The following MIPEP variants were observed in gnomAD, a reference collection of about 807,000 sequenced individuals.
MIPEP encodes the protein mitochondrial intermediate peptidase.
Under a neutral mutation model 90.3 loss-of-function variants are expected in MIPEP, and 79 were observed. The ratio of observed to expected loss-of-function variants is 0.87; its 90% CI spans 0.73 to 1.05. The LOEUF is 1.05. Among genes scored for constraint, MIPEP ranks in the 50% least tolerant of loss-of-function variants. The pLI, the probability that MIPEP is intolerant of heterozygous loss-of-function variation, is 0.00. For synonymous variants in MIPEP, 334 were observed against 315.8 expected, an observed-to-expected ratio of 1.06 and a Z score of -0.61; for missense variants, 940 against 905.6, an observed-to-expected ratio of 1.04 and a Z score of -0.49.
intron 10 of MIPEP, among the ~76,000 whole-genome samples, chr13:23,852,948 T>A (rs1869868032): frequency 2.0e-5 from 3 of 152,004 alleles, no homozygotes; most frequent in African/African-American, 7.2e-5. Context: ...CAAAAAAATT[T>A]AAAAAGTACA....
Position 23,730,442 on chromosome 13 carries a change from A to G in MIPEP, c.2048T>C (p.Met683Thr). 6.2e-7 allele frequency: 1 copy of G among 1,608,172 alleles called. No individual in the cohort carries two copies. The highest frequency in any genetic ancestry group is 8.5e-7 in the Non-Finnish European group (1 of 1,175,706). Residue 683 changes from methionine (M) to threonine (T), a missense_variant, in exon 19 of 19, where the codon ATG becomes ACG. Transcript: ENST00000382172. Reference sequence around the variant, plus strand: ...ATCAACAGAAGGACACTTCTGAAGCATACCTGCAAACAAAGGAAAGGTCAG... The same window carrying G: ...ATCAACAGAAGGACACTTCTGAAGCGTACCTGCAAACAAAGGAAAGGTCAG... ...GREPMLMVEG[M>T]LQKCPSVDDF...
Position 23,758,737 on chromosome 13 carries a change from A to G in MIPEP, c.1970+1359T>C, listed in dbSNP as rs191448701. 1.1e-4 allele frequency among the ~76,000 whole-genome samples: 16 copies of G among 152,330 alleles called. No individual in the cohort carries two copies. The East Asian group carries it at 3.1e-3, about 29-fold the overall frequency. On this transcript the variant is annotated intron_variant, in intron 17 of 18. Coordinates refer to ENST00000382172, the MANE Select transcript of MIPEP (RefSeq NM_005932.4). ...TCTATGACATCACATTCAGACTCAA[A>G]TAATTTGAAACAAATGTGATTATTA...
intron 16 of MIPEP, among the ~76,000 whole-genome samples, chr13:23,799,304 C>T (rs4769290): frequency 0.37 from 55,249 of 150,580 alleles, 10,926 homozygotes; most frequent in Admixed American, 0.5. Context: ...GCCACCACAC[C>T]CAGGCAAATT....
In MIPEP at chr13:23,889,173, T is replaced by C; in HGVS notation, c.148A>G (p.Lys50Glu). The change falls in exon 1 of 19, where the codon AAG (lysine) becomes GAG (glutamate). Residue 50 changes from lysine (K) to glutamate (E), a missense_variant. Physicochemically the swap from Lys to Glu is moderately conservative, Grantham distance 56. Transcript: ENST00000382172. ...AGGTCCAAGCGGCTGCCCTGGGGCT[T>C]GACATTGAAGGCGGCGCCCACGGGA... ...WSPVGAAFNV[K>E]PQGSRLDLFG... 6.8e-7 allele frequency: 1 copy of C among 1,466,316 alleles called. No individual in the cohort carries two copies. The highest frequency in any genetic ancestry group is 2.9e-5 in the East Asian group (1 of 34,248). 90.8% of individuals were successfully genotyped at this position (1,466,316 alleles called of 1,614,324 possible). A position where few individuals can be genotyped will look rare whatever the true frequency, so the allele number is the denominator to read the frequency against.
chr13:23,817,511 C>T (rs1461812256), intron 14 of MIPEP, among the ~76,000 whole-genome samples: 1 of 152,130 alleles, frequency 6.6e-6, no homozygotes, highest in African/African-American at 2.4e-5. Flanking sequence ...CTCTCCCCCA[C>T]TACCAAACCT....
chr13:23,831,008 T>C (rs758688609), intron 14 of MIPEP, among the ~76,000 whole-genome samples: 11 of 151,906 alleles, frequency 7.2e-5, no homozygotes, highest in Non-Finnish European at 1.3e-4. Flanking sequence ...AACTGAGGAA[T>C]TGAGGACAAA....
intron 16 of MIPEP, among the ~76,000 whole-genome samples, chr13:23,769,424 T>C (rs1210483949): frequency 6.6e-6 from 1 of 152,140 alleles, no homozygotes; most frequent in African/African-American, 2.4e-5. Flanking sequence ...AGGACATGAG[T>C]GCCCTTTGTA....
chr13:23,731,116 TA>T (rs1211166374), intron 18 of MIPEP, among the ~76,000 whole-genome samples: 3 of 152,228 alleles, frequency 2.0e-5, no homozygotes, highest in South Asian at 2.1e-4. Context: ...TTCTTCACTC[TA>T]AAGAAGCCAA....
chr13:23,885,461 T>C (rs1871435066), intron 2 of MIPEP, among the ~76,000 whole-genome samples: 2 of 152,158 alleles, frequency 1.3e-5, no homozygotes, highest in Admixed American at 1.3e-4. Context: ...GGATTGTTTG[T>C]AACAGAAAGG....
At chr13:23,842,163 T>C (rs933832050) in intron 10 of MIPEP, 2 of 152,220 alleles carry the variant, frequency 1.3e-5, no homozygotes, top group Non-Finnish European at 2.9e-5. Context: ...AATCATTAAG[T>C]CAAGCCAAAA....
chr13:23,752,354 G>A (rs1302878333), intron 18 of MIPEP, among the ~76,000 whole-genome samples: 1 of 152,146 alleles, frequency 6.6e-6, no homozygotes, highest in Non-Finnish European at 1.5e-5. Flanking sequence ...TCTATTTGCT[G>A]TAGTAAGAAA....
Position 23,886,440 on chromosome 13 carries a change from T to G in MIPEP, c.256A>C (p.Arg86=). 6.2e-7 allele frequency: 1 copy of G among 1,607,898 alleles called. No individual in the cohort carries two copies. The highest frequency in any genetic ancestry group is 8.5e-7 in the Non-Finnish European group (1 of 1,176,708). The stretch of plus-strand genomic sequence containing the variant: ...CGGTCCACAAGCAATTCTGTCTTTC[T>G]CAAGGCTTTTTCTTGTGCAATATGA... The part of the protein sequence containing the change: ...GFHIAQEKAL[R]KTELLVDRAC... Residue 86 remains arginine, a synonymous_variant, in exon 2 of 19, where the codon AGA becomes CGA. Coordinates refer to ENST00000382172, the MANE Select transcript of MIPEP (RefSeq NM_005932.4).
intron 7 of MIPEP, among the ~76,000 whole-genome samples, chr13:23,865,577 T>C (rs1219616421): frequency 6.6e-6 from 1 of 152,224 alleles, no homozygotes; most frequent in Non-Finnish European, 1.5e-5. Flanking sequence ...TCCCTATGTA[T>C]GCTTGTATAC....
chr13:23,760,021 C>A, intron 17 of MIPEP, 75 bp downstream of exon 17: 1 of 1,591,288 alleles, frequency 6.3e-7, no homozygotes, highest in Non-Finnish European at 8.6e-7. Context: ...AGTTCTCGAG[C>A]CCGACTTCCA....
chr13:23,798,058 G>A (rs1363335463), intron 16 of MIPEP, among the ~76,000 whole-genome samples: 1 of 152,198 alleles, frequency 6.6e-6, no homozygotes, highest in East Asian at 1.9e-4. Flanking sequence ...AGACCATGTG[G>A]TAGCACGTAG....
chr13:23,778,056 C>T (rs530677067), intron 16 of MIPEP, among the ~76,000 whole-genome samples: 6 of 152,228 alleles, frequency 3.9e-5, no homozygotes, highest in East Asian at 3.9e-4. Flanking sequence ...ATTGTTTAGA[C>T]GTACTTTGGC....
chr13:23,889,167 G>C lies in MIPEP; in HGVS notation c.154C>G (p.Gln52Glu). The C allele has an allele frequency of 6.8e-7, 1 of 1,466,618 alleles. No individual in the cohort carries two copies. Among genetic ancestry groups the C allele is most frequent in the African/African-American group, 1.5e-5 (1 of 67,520 alleles). The allele number at this position is 1,466,618 out of a possible 1,614,324, so 90.9% of individuals were successfully genotyped here. ...PVGAAFNVKP[Q>E]GSRLDLFGER... is the part of the protein sequence containing the mutation. The stretch of plus-strand genomic sequence containing the variant: ...CCGAACAGGTCCAAGCGGCTGCCCT[G>C]GGGCTTGACATTGAAGGCGGCGCCC... Residue 52 changes from glutamine to glutamate, a missense_variant, in exon 1 of 19, where the codon CAG (glutamine) becomes GAG (glutamate). By Grantham distance (29) the Gln-to-Glu change is conservative (BLOSUM62 2). Coordinates refer to ENST00000382172, the MANE Select transcript of MIPEP (RefSeq NM_005932.4).
At chr13:23,820,749 G>A (rs1206216350) in intron 14 of MIPEP, among the ~76,000 whole-genome samples, 1 of 152,160 alleles carries the variant, frequency 6.6e-6, no homozygotes, top group Non-Finnish European at 1.5e-5. Flanking sequence ...TGCCGCTCTG[G>A]TGCCTGAGCC....
At chr13:23,883,660 A>C (rs1000239531) in intron 2 of MIPEP, among the ~76,000 whole-genome samples, 1 of 152,252 alleles carries the variant, frequency 6.6e-6, no homozygotes, top group Non-Finnish European at 1.5e-5. Context: ...GTACATGTTC[A>C]GTATGAATGC....
Sources: allele counts gnomAD v4.1 joint callset (sites outside exome capture counted in the v4.1 genomes callset), GRCh38; gene constraint gnomAD v4.1.1; transcripts MANE v1.5; gene names NCBI Gene and HGNC (gene_info 2026-07-23, HGNC 2026-07-21).